Variants in NT5C2 observed in about 807,000 individuals in gnomAD.
NT5C2 encodes the protein cytosolic purine 5'-nucleotidase.
NT5C2 carries 58 observed loss-of-function variants against 76.1 expected under a neutral mutation model. That is an observed-to-expected ratio of 0.76 (90% CI 0.62 to 0.95). The LOEUF is 0.95. Among genes scored for constraint, NT5C2 ranks in the 40% least tolerant of loss-of-function variants. The pLI is 0.00. For missense variants in NT5C2, 478 were observed against 690.3 expected (o/e 0.69, Z 3.45); for synonymous variants, 229 against 237.4 (o/e 0.96, Z 0.32).
At chr10:103,095,795 A>G in intron 12 of NT5C2, 144 bp downstream of exon 12, 1 of 679,282 alleles carries the variant, frequency 1.5e-6, no homozygotes. Flanking sequence ...ATTACTTCTA[A>G]TGTTAATGAA....
intron 3 of NT5C2, among the ~76,000 whole-genome samples, chr10:103,168,231 C>G (rs908185420): frequency 8.6e-5 from 13 of 152,026 alleles, no homozygotes; most frequent in Admixed American, 2.6e-4. Context: ...AAAAAATTCA[C>G]AAGCCTAATA....
chr10:103,192,797 G>C (rs1016652266), intron 1 of NT5C2, among the ~76,000 whole-genome samples: 9 of 152,334 alleles, frequency 5.9e-5, no homozygotes, highest in Middle Eastern at 3.4e-3. Flanking sequence ...AGGGGTGGCC[G>C]GGAACAGCCT....
chr10:103,128,755 G>T (rs1473450819), intron 4 of NT5C2, among the ~76,000 whole-genome samples: 1 of 47,238 alleles, frequency 2.1e-5, no homozygotes, highest in Non-Finnish European at 4.5e-5. Flanking sequence ...CTGCCCGGCC[G>T]AGACCCCGTC....
chr10:103,163,931 A>G lies in NT5C2; in HGVS notation c.101+10927T>C, dbSNP rs975749708. Among the ~76,000 whole-genome samples the G allele has an allele frequency of 5.8e-4, 88 of 150,924 alleles. 4 individuals are homozygous for G. The highest frequency in any genetic ancestry group is 1.2e-4 in the Non-Finnish European group (8 of 67,778). ...TCCCAGCTACTCAGGAGCCTGAGGC[A>G]CAAGAATCGCTTGAACCTGGGAGGC... On this transcript the variant is annotated intron_variant, in intron 3 of 18. Coordinates refer to ENST00000404739, the MANE Select transcript of NT5C2 (RefSeq NM_001351169.2).
intron 3 of NT5C2, among the ~76,000 whole-genome samples, chr10:103,170,371 T>C (rs901507904): frequency 6.6e-6 from 1 of 152,060 alleles, no homozygotes; most frequent in African/African-American, 2.4e-5. Context: ...TTTGAAAATG[T>C]TTTTTCTATT....
intron 4 of NT5C2, among the ~76,000 whole-genome samples, chr10:103,107,500 C>A (rs2071615408): frequency 6.6e-6 from 1 of 151,216 alleles, no homozygotes; most frequent in Admixed American, 6.6e-5. Flanking sequence ...CATGGTGAAA[C>A]CCCCGTCTCT....
intron 2 of NT5C2, among the ~76,000 whole-genome samples, chr10:103,177,170 T>C (rs929371233): frequency 6.6e-6 from 1 of 152,212 alleles, no homozygotes; most frequent in African/African-American, 2.4e-5. Flanking sequence ...AGTTATTTAA[T>C]GCTTTTACAT....
At chr10:103,100,558 G>T (rs1039912208) in intron 8 of NT5C2, 2 of 412,100 alleles carry the variant, frequency 4.9e-6, no homozygotes, top group East Asian at 1.4e-4. Context: ...CCTAAAGGGA[G>T]AGGATAACTT....
intron 4 of NT5C2, among the ~76,000 whole-genome samples, chr10:103,121,534 C>A (rs1454837490): frequency 6.6e-6 from 1 of 152,110 alleles, no homozygotes; most frequent in East Asian, 1.9e-4. Flanking sequence ...TGAGTCCATT[C>A]CAATAACAAT....
intron 3 of NT5C2, among the ~76,000 whole-genome samples, chr10:103,143,632 T>TTTTTTTTG: frequency 9.5e-6 from 1 of 104,948 alleles, no homozygotes; most frequent in Admixed American, 9.5e-5. Context: ...TTTTTTTTTT[T>TTTTTTTTG]GTAGAGATGG....
chr10:103,092,259 A>C (rs2067122755), intron 15 of NT5C2, among the ~76,000 whole-genome samples: 1 of 152,228 alleles, frequency 6.6e-6, no homozygotes. Context: ...GAAAAGTGTT[A>C]CTCAAATAAT....
At chr10:103,179,357 T>C (rs949855014) in intron 2 of NT5C2, among the ~76,000 whole-genome samples, 22 of 152,182 alleles carry the variant, frequency 1.4e-4, no homozygotes, top group African/African-American at 5.1e-4. Flanking sequence ...CAGGACCCCT[T>C]TCCAGTAACA....
chr10:103,173,780 TAAATA>T (rs2134768273), intron 3 of NT5C2, among the ~76,000 whole-genome samples: 1 of 140,228 alleles, frequency 7.1e-6, no homozygotes, highest in East Asian at 2.1e-4. Context: ...AAAAAATAAG[TAAATA>T]AATAAAAAAT....
At chr10:103,129,498 G>A (rs2077526597) in intron 4 of NT5C2, among the ~76,000 whole-genome samples, 2 of 119,254 alleles carry the variant, frequency 1.7e-5, no homozygotes, top group Non-Finnish European at 3.7e-5. Flanking sequence ...CCCCCACCCG[G>A]CCAGCCGCCC....
chr10:103,104,603 G>T (rs1242267864), intron 6 of NT5C2, among the ~76,000 whole-genome samples: 1 of 152,088 alleles, frequency 6.6e-6, no homozygotes. Context: ...GTAATCACTG[G>T]CCTGCTCAGA....
chr10:103,109,310 T>C (rs192973096), intron 4 of NT5C2, among the ~76,000 whole-genome samples: 3 of 152,302 alleles, frequency 2.0e-5, no homozygotes, highest in African/African-American at 7.2e-5. Context: ...CTATATACAC[T>C]AATAGAGTAA....
chr10:103,106,871 G>C lies in NT5C2; in HGVS notation c.176-165C>G, dbSNP rs776754778. Among the ~76,000 whole-genome samples the C allele has an allele frequency of 4.0e-5, 6 of 151,850 alleles. No individual in the cohort carries two copies. The East Asian group carries it at 7.7e-4, about 20-fold the overall frequency. On this transcript the variant is annotated intron_variant, in intron 4 of 18. Coordinates refer to ENST00000404739, the MANE Select transcript of NT5C2 (RefSeq NM_001351169.2). ...TGTTCTGTATTGCCCCAAGTAATTA[G>C]AGAACTCAATTGTTAGTCTGTGGAA... is the stretch of plus-strand genomic sequence containing the variant.
intron 3 of NT5C2, among the ~76,000 whole-genome samples, chr10:103,149,566 G>A (rs1294562743): frequency 6.6e-6 from 1 of 151,992 alleles, no homozygotes; most frequent in African/African-American, 2.4e-5. Flanking sequence ...TTAAGCATAG[G>A]CTTTTCCAAT....
chr10:103,180,862 T>C (rs1372053977), intron 2 of NT5C2, among the ~76,000 whole-genome samples: 3 of 152,070 alleles, frequency 2.0e-5, no homozygotes, highest in African/African-American at 7.2e-5. Context: ...CTATGCAATA[T>C]AAAGGAATAA....
Sources: allele counts gnomAD v4.1 joint callset (sites outside exome capture counted in the v4.1 genomes callset), GRCh38; gene constraint gnomAD v4.1.1; transcripts MANE v1.5; gene names NCBI Gene and HGNC (gene_info 2026-07-23, HGNC 2026-07-21).